Variants in NRP1 observed in about 807,000 individuals in gnomAD.
NRP1 encodes neuropilin 1.
NRP1 carries 35 observed loss-of-function variants against 106.7 expected under a neutral mutation model. The ratio of observed to expected loss-of-function variants is 0.33; its 90% CI spans 0.25 to 0.43. The LOEUF (loss-of-function observed/expected upper bound fraction) is 0.43, where lower values mean the gene tolerates loss of function less well. NRP1 is among the 20% of genes least tolerant of loss of function. NRP1 has a pLI of 1.00. For missense variants in NRP1, 1,024 were observed against 1,170.4 expected (o/e 0.87, Z 1.83); for synonymous variants, 437 against 417.9 (o/e 1.05, Z -0.56).
chr10:33,201,339 C>T (rs1476455095), intron 11 of NRP1: 1 of 152,164 alleles, frequency 6.6e-6, no homozygotes, highest in East Asian at 1.9e-4. Context: ...TCAATATTAA[C>T]TGACCACTTT....
At chr10:33,282,809 G>A (rs537779985) in intron 2 of NRP1, among the ~76,000 whole-genome samples, 1 of 151,940 alleles carries the variant, frequency 6.6e-6, no homozygotes, top group South Asian at 2.1e-4. Flanking sequence ...GCAGTGGCAC[G>A]ATCTTGGCTC....
At chr10:33,219,991 T>C (rs1839097370) in intron 8 of NRP1, among the ~76,000 whole-genome samples, 1 of 152,212 alleles carries the variant, frequency 6.6e-6, no homozygotes, top group Non-Finnish European at 1.5e-5. Context: ...AAGCCAAGGT[T>C]ATATCTAACT....
At position 33,263,685 on chromosome 10, in the gene NRP1, G is replaced by T; in HGVS notation, c.619C>A (p.Arg207Ser). 1.9e-6 allele frequency: 3 copies of T among 1,613,996 alleles called. No homozygotes were observed. Among genetic ancestry groups the T allele is most frequent in the Non-Finnish European group, 2.5e-6 (3 of 1,179,966 alleles). ...TCCCAGATTTCTAGCCGGTCGTAGCGACAGAACATCCCCCCTGGAGGATTT... is the reference window on the plus strand; with the variant it reads ...TCCCAGATTTCTAGCCGGTCGTAGCTACAGAACATCCCCCCTGGAGGATTT... The part of the protein sequence containing the change: ...DSNPPGGMFC[R>S]YDRLEIWDGF... The change falls in exon 4 of 17, where the codon CGC becomes AGC. Residue 207 changes from arginine to serine, a missense_variant. Physicochemically the swap from Arg to Ser is moderately radical, Grantham distance 110. Transcript: ENST00000374867.
chr10:33,314,326 A>T (rs1228631311), intron 2 of NRP1, among the ~76,000 whole-genome samples: 1 of 152,224 alleles, frequency 6.6e-6, no homozygotes, highest in East Asian at 1.9e-4. Context: ...CCATCCTCCC[A>T]TCTTGGTCTC....
At chr10:33,325,237 T>TAA (rs1847804801) in intron 2 of NRP1, among the ~76,000 whole-genome samples, 1 of 152,186 alleles carries the variant, frequency 6.6e-6, no homozygotes, top group East Asian at 1.9e-4. Context: ...TAGTTTGGCT[T>TAA]AAAAAACTCA....
At position 33,331,380 on chromosome 10, in the gene NRP1, TTTG is replaced by T. The variant is rs201229766; in HGVS notation, c.74-501_74-499del. 2.4e-3 allele frequency among the ~76,000 whole-genome samples: 371 copies of T among 152,272 alleles called. 7 individuals carry two copies. Among genetic ancestry groups the T allele is most frequent in the Admixed American group, 0.019 (291 of 15,302 alleles). On this transcript the variant is annotated intron_variant, in intron 1 of 16. Coordinates refer to ENST00000374867, the MANE Select transcript of NRP1 (RefSeq NM_003873.7). ...CTTTGATTGGCTTAAAGCCAAACCT[TTTG>T]TTGTTGTTGTTTTATCTGCCCATAA... is the stretch of plus-strand genomic sequence containing the variant.
intron 3 of NRP1, among the ~76,000 whole-genome samples, chr10:33,265,674 A>C (rs1448047563): frequency 6.6e-6 from 1 of 152,184 alleles, no homozygotes; most frequent in Admixed American, 6.5e-5. Flanking sequence ...GGCCCAGTAA[A>C]CCTGGTCTGC....
chr10:33,310,987 T>A (rs1846569602), intron 2 of NRP1, among the ~76,000 whole-genome samples: 2 of 152,056 alleles, frequency 1.3e-5, no homozygotes, highest in African/African-American at 4.8e-5. Context: ...CTTGGTTCAG[T>A]CCCCTTTGAA....
intron 2 of NRP1, among the ~76,000 whole-genome samples, chr10:33,319,696 C>T (rs1847334471): frequency 6.6e-6 from 1 of 150,484 alleles, no homozygotes; most frequent in Non-Finnish European, 1.5e-5. Context: ...ATGCCACTTT[C>T]CTGGCTCAGC....
chr10:33,204,754 G>C (rs1305911096), intron 10 of NRP1, among the ~76,000 whole-genome samples: 3 of 151,614 alleles, frequency 2.0e-5, no homozygotes, highest in Non-Finnish European at 4.4e-5. Flanking sequence ...TTTTTGAGAT[G>C]GAGTTTCACT....
At chr10:33,225,298 C>T (rs956576010) in intron 7 of NRP1, among the ~76,000 whole-genome samples, 9 of 152,168 alleles carry the variant, frequency 5.9e-5, no homozygotes, top group African/African-American at 1.9e-4. Flanking sequence ...AAATCAAGTA[C>T]GTGAATGCTC....
intron 13 of NRP1, among the ~76,000 whole-genome samples, chr10:33,190,602 C>T (rs970488923): frequency 6.6e-6 from 1 of 152,188 alleles, no homozygotes; most frequent in Non-Finnish European, 1.5e-5. Context: ...CTTCAGTCCA[C>T]TGACTCACTC....
chr10:33,237,646 T>G (rs995229801), intron 6 of NRP1, among the ~76,000 whole-genome samples: 2 of 144,588 alleles, frequency 1.4e-5, no homozygotes, highest in Admixed American at 1.4e-4. Flanking sequence ...ACGGTGGATC[T>G]CAGCTCACTG....
chr10:33,262,284 C>T (rs983102132), intron 4 of NRP1, among the ~76,000 whole-genome samples: 6 of 152,190 alleles, frequency 3.9e-5, no homozygotes, highest in Non-Finnish European at 7.3e-5. Context: ...CAGAATTTCA[C>T]TGTGTATTTT....
chr10:33,246,583 A>AACACACACACAC (rs59215824), intron 6 of NRP1, among the ~76,000 whole-genome samples: 128 of 137,732 alleles, frequency 9.3e-4, no homozygotes, highest in African/African-American at 2.8e-3. Context: ...AGTTGCAATA[A>AACACACACACAC]ACACACACAC....
rs1049402581 is a variant in NRP1, at chr10:33,304,283, C to T, written c.248+26425G>A. Among the ~76,000 whole-genome samples, 8 of 152,242 alleles carry T rather than the reference C, an allele frequency of 5.3e-5. No individual in the cohort carries two copies. The East Asian group carries it at 1.4e-3, about 26-fold the overall frequency. On this transcript the variant is annotated intron_variant, in intron 2 of 16. Transcript: ENST00000374867. ...CTTTTCTTTCTTTGAATGAAATTCC[C>T]TCCCCCAGATGGACTATTTCACCAC...
chr10:33,329,702 A>G (rs10763926), intron 2 of NRP1, among the ~76,000 whole-genome samples: 11,698 of 152,280 alleles, frequency 0.077, 710 homozygotes, highest in East Asian at 0.28. Context: ...AAAACTATTT[A>G]TATATGTACA....
intron 3 of NRP1, among the ~76,000 whole-genome samples, chr10:33,267,243 T>A (rs1276930184): frequency 6.6e-6 from 1 of 152,064 alleles, no homozygotes; most frequent in East Asian, 1.9e-4. Flanking sequence ...CCTTTATAAA[T>A]TACCCAGTCT....
At chr10:33,279,704 T>C (rs1843972135) in intron 2 of NRP1, among the ~76,000 whole-genome samples, 1 of 152,136 alleles carries the variant, frequency 6.6e-6, no homozygotes, top group Non-Finnish European at 1.5e-5. Flanking sequence ...GGGGACCCTC[T>C]TGGAATTCTG....
Sources: gnomAD v4.1 joint callset for allele counts (sites outside exome capture counted in the v4.1 genomes callset) on GRCh38, gnomAD v4.1.1 for gene constraint, MANE v1.5 for transcripts, NCBI Gene and HGNC (gene_info 2026-07-23, HGNC 2026-07-21) for gene names.